Variants in PTPRD observed in about 807,000 individuals in gnomAD.
The protein encoded by PTPRD is protein tyrosine phosphatase receptor type D, also known as receptor-type tyrosine-protein phosphatase delta.
Under a neutral mutation model 214.5 loss-of-function variants are expected in PTPRD, and 34 were observed. The observed-to-expected ratio is 0.16, with a 90% CI of 0.12 to 0.21. The LOEUF (loss-of-function observed/expected upper bound fraction) is 0.21, where lower values mean the gene tolerates loss of function less well. PTPRD is among the 10% of genes least tolerant of loss of function. PTPRD has a pLI of 1.00. For synonymous variants in PTPRD, 1,128 were observed against 845.7 expected (o/e 1.33, Z -5.79); for missense variants, 2,545 against 2,398.7 (o/e 1.06, Z -1.27).
chr9:9,880,854 T>A (rs987888490), intron 5 of PTPRD, among the ~76,000 whole-genome samples: 5 of 152,194 alleles, frequency 3.3e-5, no homozygotes, highest in African/African-American at 9.7e-5. Context: ...TCATTTATTT[T>A]TTTTTCCTAC....
At chr9:9,362,880 ATAAT>A (rs970520968) in intron 9 of PTPRD, among the ~76,000 whole-genome samples, 24 of 151,442 alleles carry the variant, frequency 1.6e-4, no homozygotes, top group African/African-American at 5.8e-4. Context: ...AATAGATAGA[ATAAT>A]TAAGTGTAAG....
At chr9:10,316,290 T>C (rs980718750) in intron 3 of PTPRD, among the ~76,000 whole-genome samples, 27 of 151,722 alleles carry the variant, frequency 1.8e-4, no homozygotes, top group Admixed American at 1.1e-3. Context: ...TTTAGCATAT[T>C]GTCCTCTACT....
intron 5 of PTPRD, among the ~76,000 whole-genome samples, chr9:9,776,455 T>C (rs2098799452): frequency 6.6e-6 from 1 of 152,198 alleles, no homozygotes; most frequent in Non-Finnish European, 1.5e-5. Flanking sequence ...AAACTTTGCT[T>C]TTTGATTTTT....
chr9:9,277,666 G>T (rs1026947858), intron 9 of PTPRD, among the ~76,000 whole-genome samples: 2 of 151,198 alleles, frequency 1.3e-5, no homozygotes, highest in Non-Finnish European at 3.0e-5. Context: ...AGTAATGAAA[G>T]TTTCCCATCT....
intron 11 of PTPRD, among the ~76,000 whole-genome samples, chr9:8,747,116 A>C (rs1224778232): frequency 6.6e-6 from 1 of 152,184 alleles, no homozygotes; most frequent in East Asian, 1.9e-4. Flanking sequence ...TTTCCATCAC[A>C]AACTGAATAT....
At chr9:10,187,984 T>C (rs1393544568) in intron 3 of PTPRD, among the ~76,000 whole-genome samples, 1 of 152,232 alleles carries the variant, frequency 6.6e-6, no homozygotes, top group Non-Finnish European at 1.5e-5. Context: ...ATTATTTAGT[T>C]TGACATTGAG....
chr9:9,772,842 C>G (rs139691862), intron 5 of PTPRD, among the ~76,000 whole-genome samples: 24 of 152,220 alleles, frequency 1.6e-4, no homozygotes, highest in African/African-American at 5.5e-4. Flanking sequence ...AATATTTGCT[C>G]CCTTTTACTC....
At chr9:10,364,784 A>G (rs575969970) in intron 2 of PTPRD, among the ~76,000 whole-genome samples, 1 of 149,486 alleles carries the variant, frequency 6.7e-6, no homozygotes, top group South Asian at 2.1e-4. Context: ...ATATTCTGCT[A>G]TAATAAGCTA....
chr9:10,282,544 T>A (rs1407473664), intron 3 of PTPRD, among the ~76,000 whole-genome samples: 1 of 152,154 alleles, frequency 6.6e-6, no homozygotes, highest in East Asian at 1.9e-4. Context: ...CCAATTTAAA[T>A]GATATTAAGA....
chr9:8,726,365 G>A (rs1378479981), intron 12 of PTPRD, among the ~76,000 whole-genome samples: 7 of 151,224 alleles, frequency 4.6e-5, no homozygotes, highest in African/African-American at 1.5e-4. Flanking sequence ...AAGGCTGGCA[G>A]ATCACTTGAG....
At chr9:9,666,360 C>T (rs1163451193) in intron 7 of PTPRD, among the ~76,000 whole-genome samples, 1 of 151,714 alleles carries the variant, frequency 6.6e-6, no homozygotes, top group East Asian at 1.9e-4. Flanking sequence ...CAAAAATAAA[C>T]AGTAAAAAAA....
chr9:9,443,618 G>C (rs1421602048), intron 8 of PTPRD, among the ~76,000 whole-genome samples: 1 of 152,138 alleles, frequency 6.6e-6, no homozygotes, highest in Non-Finnish European at 1.5e-5. Flanking sequence ...AGATCGCTTG[G>C]AGAAGCCATG....
intron 5 of PTPRD, among the ~76,000 whole-genome samples, chr9:9,873,508 A>T (rs188380625): frequency 9.2e-5 from 14 of 152,268 alleles, no homozygotes; most frequent in African/African-American, 3.1e-4. Context: ...AGGTAAAGTA[A>T]CAATGACTCT....
chr9:8,874,361 G>GTT (rs376892586), intron 11 of PTPRD, among the ~76,000 whole-genome samples: 4 of 84,682 alleles, frequency 4.7e-5, no homozygotes, highest in African/African-American at 1.2e-4. Flanking sequence ...TGAACGGACT[G>GTT]TTTTTTTTGC....
intron 5 of PTPRD, among the ~76,000 whole-genome samples, chr9:9,894,296 T>A (rs78509068): frequency 0.038 from 5,815 of 151,978 alleles, 389 homozygotes; most frequent in African/African-American, 0.13. Flanking sequence ...GATTATAGTA[T>A]CTCCTCATAC....
At chr9:10,220,620 A>G (rs1305478927) in intron 3 of PTPRD, among the ~76,000 whole-genome samples, 1 of 151,980 alleles carries the variant, frequency 6.6e-6, no homozygotes, top group East Asian at 1.9e-4. Context: ...TTAAAATAAT[A>G]CATCTTGCAC....
At chr9:9,931,684 A>C (rs1166732256) in intron 5 of PTPRD, among the ~76,000 whole-genome samples, 1 of 151,276 alleles carries the variant, frequency 6.6e-6, no homozygotes, top group East Asian at 2.0e-4. Flanking sequence ...GTGCTTAGGT[A>C]AACAAAGCAG....
At chr9:9,267,007 G>C (rs1270446033) in intron 9 of PTPRD, among the ~76,000 whole-genome samples, 3 of 151,106 alleles carry the variant, frequency 2.0e-5, no homozygotes, top group African/African-American at 7.3e-5. Flanking sequence ...ACAAAACTAA[G>C]AGTTCATTTT....
At chr9:8,333,181 G>A (rs531782016) in intron 43 of PTPRD, among the ~76,000 whole-genome samples, 1 of 152,174 alleles carries the variant, frequency 6.6e-6, no homozygotes, top group Non-Finnish European at 1.5e-5. Flanking sequence ...GTACTTTATG[G>A]ATGGTTACCA....
Sources: allele counts gnomAD v4.1 joint callset (sites outside exome capture counted in the v4.1 genomes callset), GRCh38; gene constraint gnomAD v4.1.1; transcripts MANE v1.5; gene names NCBI Gene and HGNC (gene_info 2026-07-23, HGNC 2026-07-21).